Variants in ATP2C2 observed in about 807,000 individuals in gnomAD.
The protein encoded by ATP2C2 is ATPase secretory pathway Ca2+ transporting 2.
ATP2C2 carries 171 observed loss-of-function variants against 110.8 expected under a neutral mutation model. That is an observed-to-expected ratio of 1.54 (90% CI 1.36 to 1.75). The LOEUF is 1.75. Among genes scored for constraint, ATP2C2 ranks in the 40% most tolerant of loss-of-function variants. ATP2C2 has a pLI of 0.00. For synonymous variants in ATP2C2, 804 were observed against 508.4 expected, an observed-to-expected ratio of 1.58 and a Z score of -7.82; for missense variants, 1,963 against 1,235.0, an observed-to-expected ratio of 1.59 and a Z score of -8.84.
intron 1 of ATP2C2, among the ~76,000 whole-genome samples, chr16:84,371,488 G>A (rs749133741): frequency 6.6e-6 from 1 of 152,210 alleles, no homozygotes; most frequent in Non-Finnish European, 1.5e-5. Flanking sequence ...CTGGGCAACA[G>A]AGTGAGACCC....
At chr16:84,404,325 C>T (rs775407391) in intron 2 of ATP2C2, 1 of 154,976 alleles carries the variant, frequency 6.5e-6, no homozygotes, top group East Asian at 1.9e-4. Context: ...AATCTGTCTC[C>T]ATTAAACACT....
At chr16:84,415,075 C>A (rs941878922) in intron 6 of ATP2C2, among the ~76,000 whole-genome samples, 1 of 152,104 alleles carries the variant, frequency 6.6e-6, no homozygotes, top group Non-Finnish European at 1.5e-5. Context: ...TGGGCTTCCT[C>A]CCAGCTGTGA....
In ATP2C2 at chr16:84,415,570, T is replaced by C. The variant is rs1213812597; in HGVS notation, c.603T>C (p.Pro201=). The C allele has an allele frequency of 6.2e-7, 1 of 1,613,934 alleles. No individual in the cohort carries two copies. The highest frequency in any genetic ancestry group is 8.5e-7 in the Non-Finnish European group (1 of 1,179,890). The change falls in exon 7 of 27, where the codon CCT becomes CCC. Residue 201 remains proline, a synonymous_variant. Coordinates refer to ENST00000262429, the MANE Select transcript of ATP2C2 (RefSeq NM_014861.4). ...VVSLSIGDRI[P]ADIRLTEVTD... Reference sequence around the variant, plus strand: ...CTCTCTCGATCGGAGACCGGATCCCTGCAGACATCCGACTCACTGAGGTGA... The same window carrying C: ...CTCTCTCGATCGGAGACCGGATCCCCGCAGACATCCGACTCACTGAGGTGA...
intron 1 of ATP2C2, among the ~76,000 whole-genome samples, chr16:84,387,214 A>G (rs990904066): frequency 5.3e-5 from 8 of 152,196 alleles, no homozygotes; most frequent in Non-Finnish European, 1.2e-4. Flanking sequence ...TGGTCACAGC[A>G]GTGTCCTATA....
rs954106210 is a variant in ATP2C2 at position 84,454,914 on chromosome 16, C to CAG, written c.2079_2080dup (p.Thr694ArgfsTer13). ...TGCAGACATTGGGATCGCCATGGGG[C>CAG]AGACAGGGACGGACGTCAGCAAAGA... On this transcript the variant is annotated frameshift_variant, in exon 21 of 27. Transcript: ENST00000262429. LOFTEE classifies it high-confidence loss of function. 16 of 1,613,864 alleles carry CAG rather than the reference C, an allele frequency of 9.9e-6. No individual in the cohort carries two copies. Among genetic ancestry groups the CAG allele is most frequent in the Non-Finnish European group, 1.4e-5 (16 of 1,179,966 alleles).
intron 1 of ATP2C2, among the ~76,000 whole-genome samples, chr16:84,380,001 C>G (rs953487589): frequency 1.3e-5 from 2 of 152,124 alleles, no homozygotes; most frequent in Non-Finnish European, 2.9e-5. Flanking sequence ...GAGAACTAAG[C>G]CTTGCATTTG....
At chr16:84,461,555 A>G (rs1279121510) in intron 24 of ATP2C2, 159 bp from the exon 25 acceptor site, 3 of 715,486 alleles carry the variant, frequency 4.2e-6, no homozygotes, top group Non-Finnish European at 5.0e-6. Flanking sequence ...GGTAGCAGCC[A>G]CTGACCTCAC....
At position 84,448,546 on chromosome 16, in the gene ATP2C2, T is replaced by C. The variant is rs1225648938; in HGVS notation, c.1517T>C (p.Ile506Thr). ...GTCTTTTCTAAGGATCAGGAAGACA[T>C]TTACTTCATGAAAGGGGCCTTGGAA... ...CSLKTEDQEDIYFMKGALEEV... is the reference protein window; with the variant it reads ...CSLKTEDQEDTYFMKGALEEV... The change falls in exon 17 of 27, where the codon ATT (isoleucine) becomes ACT (threonine). Residue 506 changes from isoleucine (I) to threonine (T), a missense_variant. Physicochemically the swap from Ile to Thr is moderately conservative, Grantham distance 89. Coordinates refer to ENST00000262429, the MANE Select transcript of ATP2C2 (RefSeq NM_014861.4). 1.2e-6 allele frequency: 2 copies of C among 1,612,158 alleles called. No homozygotes were observed. The highest frequency in any genetic ancestry group is 3.3e-5 in the Admixed American group (2 of 59,804).
At chr16:84,460,214 C>T in intron 23 of ATP2C2, 1 of 220,232 alleles carries the variant, frequency 4.5e-6, no homozygotes, top group Non-Finnish European at 9.2e-6. Flanking sequence ...CACCCGGCCA[C>T]TCCCACCATA....
rs8055177 is a variant in ATP2C2 at position 84,429,435 on chromosome 16, G to C, written c.986+3634G>C. Reference sequence around the variant, plus strand: ...CCCAAAGTGCTGGGATTACAGGTGTGAGCCAGTGCTTCCAGCCTTCGTGGA... The same window carrying C: ...CCCAAAGTGCTGGGATTACAGGTGTCAGCCAGTGCTTCCAGCCTTCGTGGA... On this transcript the variant is annotated intron_variant, in intron 11 of 26. Coordinates refer to ENST00000262429, the MANE Select transcript of ATP2C2 (RefSeq NM_014861.4). Among the ~76,000 whole-genome samples, 453 of 152,344 alleles carry C rather than the reference G, an allele frequency of 3.0e-3. 6 individuals carry two copies. Among genetic ancestry groups the C allele is most frequent in the African/African-American group, 0.01 (433 of 41,558 alleles).
Position 84,454,906 on chromosome 16 carries a change from C to A in ATP2C2, c.2069C>A (p.Ala690Asp). The change falls in exon 21 of 27, where the codon GCC becomes GAC. Residue 690 changes from alanine (A) to aspartate (D), a missense_variant. Ala to Asp is a moderately radical substitution (Grantham distance 126, BLOSUM62 -2). Transcript: ENST00000262429. Reference sequence around the variant, plus strand: ...CTGAAGTCTGCAGACATTGGGATCGCCATGGGGCAGACAGGGACGGACGTC... The same window carrying A: ...CTGAAGTCTGCAGACATTGGGATCGACATGGGGCAGACAGGGACGGACGTC... ...VALKSADIGI[A>D]MGQTGTDVSK... 6.2e-7 allele frequency: 1 copy of A among 1,614,002 alleles called. No individual in the cohort carries two copies. The highest frequency in any genetic ancestry group is 8.5e-7 in the Non-Finnish European group (1 of 1,179,972).
At chr16:84,430,516 C>G (rs532815265) in intron 11 of ATP2C2, among the ~76,000 whole-genome samples, 11 of 151,862 alleles carry the variant, frequency 7.2e-5, no homozygotes, top group Non-Finnish European at 1.3e-4. Flanking sequence ...TGGCACGTGC[C>G]TATAATCCCA....
intron 1 of ATP2C2, among the ~76,000 whole-genome samples, chr16:84,396,475 GGGA>G (rs1401582255): frequency 6.7e-6 from 1 of 150,370 alleles, no homozygotes; most frequent in African/African-American, 2.5e-5. Context: ...GCTTGAACCC[GGGA>G]GGAGGAGGTT....
intron 18 of ATP2C2, 101 bp from the exon 19 acceptor site, chr16:84,453,037 A>G (rs1376720767): frequency 1.6e-6 from 2 of 1,231,530 alleles, no homozygotes; most frequent in African/African-American, 3.0e-5. Context: ...CGTCTCCAGC[A>G]TGGTTTTATT....
At position 84,432,024 on chromosome 16, in the gene ATP2C2, C is replaced by T. The variant is rs185097735; in HGVS notation, c.986+6223C>T. Among the ~76,000 whole-genome samples, 643 of 152,250 alleles carry T rather than the reference C, an allele frequency of 4.2e-3. 4 individuals carry two copies. The highest frequency in any genetic ancestry group is 0.02 in the Middle Eastern group (6 of 294). ...TGAGGTCTCCCGCCGAGCTGAAGAA[C>T]GGGAGGGTCCCTGAGAGAGATGGCA... On this transcript the variant is annotated intron_variant, in intron 11 of 26. Coordinates refer to ENST00000262429, the MANE Select transcript of ATP2C2 (RefSeq NM_014861.4).
chr16:84,385,822 C>G (rs1904311332), intron 1 of ATP2C2, among the ~76,000 whole-genome samples: 1 of 152,178 alleles, frequency 6.6e-6, no homozygotes, highest in African/African-American at 2.4e-5. Flanking sequence ...CTCCCGCCAT[C>G]TAATCACCTC....
intron 1 of ATP2C2, among the ~76,000 whole-genome samples, chr16:84,378,326 G>A (rs549555388): frequency 2.0e-5 from 3 of 152,248 alleles, no homozygotes; most frequent in Non-Finnish European, 2.9e-5. Flanking sequence ...GGGCCCCTCC[G>A]TCGCCGGCCA....
chr16:84,422,978 G>T (rs180970469), intron 9 of ATP2C2, among the ~76,000 whole-genome samples: 7 of 152,178 alleles, frequency 4.6e-5, no homozygotes, highest in South Asian at 2.1e-4. Flanking sequence ...TTTCAAACAC[G>T]TAAGACATTT....
intron 1 of ATP2C2, among the ~76,000 whole-genome samples, chr16:84,374,653 G>A (rs1597725217): frequency 1.3e-5 from 2 of 152,180 alleles, no homozygotes; most frequent in East Asian, 3.9e-4. Flanking sequence ...ATCATATTAG[G>A]GGTGGGACTG....
Sources: allele counts gnomAD v4.1 joint callset (sites outside exome capture counted in the v4.1 genomes callset), GRCh38; gene constraint gnomAD v4.1.1; transcripts MANE v1.5; gene names NCBI Gene and HGNC (gene_info 2026-07-23, HGNC 2026-07-21).